The following FILIP1 variants were observed in gnomAD, a reference collection of about 807,000 sequenced individuals.
FILIP1 encodes filamin-A-interacting protein 1.
Under a neutral mutation model 102.1 loss-of-function variants are expected in FILIP1, and 61 were observed. That is an observed-to-expected ratio of 0.60 (90% confidence interval 0.49 to 0.74). FILIP1 has a LOEUF of 0.74. Ranked by LOEUF, FILIP1 falls within the 30% of genes least tolerant of loss-of-function variation. FILIP1 has a pLI of 0.00. For synonymous variants in FILIP1, 491 were observed against 526.9 expected, an observed-to-expected ratio of 0.93 and a Z score of 0.93; for missense variants, 1,314 against 1,441.2, an observed-to-expected ratio of 0.91 and a Z score of 1.43.
In FILIP1 at chr6:75,390,086, C is replaced by A. The variant is rs112700485; in HGVS notation, c.276+24611G>T. 4.6e-5 allele frequency among the ~76,000 whole-genome samples: 7 copies of A among 152,308 alleles called. No homozygotes were observed. In the East Asian group the frequency reaches 1.3e-3, roughly 29 times the overall value. ...TTTAATTAGTCTGGGATATGGTCTA[C>A]GCATCTGCGGTCAAGTTTGAGAACT... On this transcript the variant is annotated intron_variant, in intron 2 of 5. Coordinates refer to ENST00000237172, the MANE Select transcript of FILIP1 (RefSeq NM_015687.5).
chr6:75,309,136 T>TA (rs3842096), intron 5 of FILIP1, among the ~76,000 whole-genome samples: 99,426 of 151,872 alleles, frequency 0.65, 32,775 homozygotes, highest in Middle Eastern at 0.75. Flanking sequence ...AGCACTAACT[T>TA]ACCTCCTCTG....
At chr6:75,303,500 A>G (rs1412261921), downstream of FILIP1, among the ~76,000 whole-genome samples, 2 of 152,188 alleles carry the variant, frequency 1.3e-5, no homozygotes, top group African/African-American at 4.8e-5. Context: ...GAGGGAAAAG[A>G]GCACAGCCTA....
At chr6:75,300,174 C>T (rs1772797852) in intron 6 of FILIP1, among the ~76,000 whole-genome samples, 1 of 152,092 alleles carries the variant, frequency 6.6e-6, no homozygotes, top group South Asian at 2.1e-4. Context: ...ACTTTAATAG[C>T]TAGCCTCTAA....
intron 2 of FILIP1, among the ~76,000 whole-genome samples, chr6:75,387,496 C>T (rs930086075): frequency 5.9e-5 from 9 of 152,148 alleles, no homozygotes; most frequent in African/African-American, 2.2e-4. Context: ...AACTAATTTA[C>T]ACTCCCACCA....
rs368906515 is a variant in FILIP1, at chr6:75,383,027, T to A, written c.277-20110A>T. Among the ~76,000 whole-genome samples, 31 of 152,334 alleles carry A rather than the reference T, an allele frequency of 2.0e-4. No individual in the cohort carries two copies. In the South Asian group the frequency reaches 5.8e-3, roughly 29 times the overall value. On this transcript the variant is annotated intron_variant, in intron 2 of 5. Transcript: ENST00000237172. ...TATAGATCTAAAACAAATTAGCCAG[T>A]TGCCCAAAAGACTTGTTACTCTCCA...
At chr6:75,365,758 T>C (rs1441043669) in intron 2 of FILIP1, among the ~76,000 whole-genome samples, 1 of 152,162 alleles carries the variant, frequency 6.6e-6, no homozygotes, top group African/African-American at 2.4e-5. Flanking sequence ...ACAGTAAATA[T>C]GTAACTAGTT....
intron 4 of FILIP1, among the ~76,000 whole-genome samples, chr6:75,322,708 T>C (rs903665002): frequency 6.6e-6 from 1 of 152,252 alleles, no homozygotes; most frequent in Non-Finnish European, 1.5e-5. Flanking sequence ...TTATACTTTT[T>C]TTTGAGACAG....
At chr6:75,337,650 A>G (rs137892985) in intron 4 of FILIP1, among the ~76,000 whole-genome samples, 1 of 152,234 alleles carries the variant, frequency 6.6e-6, no homozygotes, top group East Asian at 1.9e-4. Flanking sequence ...GAAGCACTGC[A>G]CTTGCCTTCC....
intron 1 of FILIP1, among the ~76,000 whole-genome samples, chr6:75,490,853 C>T (rs1288496447): frequency 1.3e-5 from 2 of 152,082 alleles, no homozygotes; most frequent in Non-Finnish European, 2.9e-5. Flanking sequence ...AAACTATTAA[C>T]TTACAGTTGC....
intron 1 of FILIP1, among the ~76,000 whole-genome samples, chr6:75,458,487 G>A (rs777135719): frequency 3.3e-5 from 5 of 152,150 alleles, no homozygotes; most frequent in African/African-American, 1.2e-4. Context: ...GGAGGCAAAC[G>A]TAGAAAACTG....
intron 1 of FILIP1, among the ~76,000 whole-genome samples, chr6:75,476,332 G>A (rs1343291909): frequency 6.6e-6 from 1 of 151,284 alleles, no homozygotes; most frequent in Non-Finnish European, 1.5e-5. Context: ...TTCCTAATTT[G>A]TCATTCAGTT....
intron 1 of FILIP1, among the ~76,000 whole-genome samples, chr6:75,475,587 C>A (rs1363285950): frequency 6.6e-6 from 1 of 152,090 alleles, no homozygotes; most frequent in Non-Finnish European, 1.5e-5. Flanking sequence ...CTGATAATAT[C>A]TTTGTGGGTA....
At chr6:75,459,842 C>A (rs1416828032) in intron 1 of FILIP1, among the ~76,000 whole-genome samples, 1 of 152,164 alleles carries the variant, frequency 6.6e-6, no homozygotes, top group Non-Finnish European at 1.5e-5. Context: ...TTTTCAGAAT[C>A]TTGAAGTCAT....
intron 1 of FILIP1, among the ~76,000 whole-genome samples, chr6:75,480,556 G>C (rs999083601): frequency 1.3e-5 from 2 of 152,096 alleles, no homozygotes; most frequent in African/African-American, 4.8e-5. Flanking sequence ...TCCAACATGT[G>C]CTCCAAAAAT....
intron 3 of FILIP1, 61 bp downstream of exon 3, chr6:75,362,683 G>C (rs773667195): frequency 1.2e-4 from 180 of 1,519,222 alleles, no homozygotes; most frequent in Admixed American, 2.2e-4. Flanking sequence ...GTAAATGGAA[G>C]AATGTGAAGA....
chr6:75,319,415 C>G, intron 4 of FILIP1: 3 of 621,256 alleles, frequency 4.8e-6, no homozygotes, highest in South Asian at 2.8e-5. Context: ...TTTTTGTCTC[C>G]CCTTTAGGAG....
chr6:75,441,569 G>T (rs1405481750), intron 1 of FILIP1, among the ~76,000 whole-genome samples: 2 of 151,600 alleles, frequency 1.3e-5, no homozygotes, highest in Non-Finnish European at 2.9e-5. Flanking sequence ...GGGCAGAGGC[G>T]CCCCTCTCCT....
At chr6:75,296,475 T>TTTATTATTATTATTATTA (rs71002730) in intron 6 of FILIP1, 5 of 140,392 alleles carry the variant, frequency 3.6e-5, no homozygotes, top group East Asian at 2.1e-4. Context: ...ACTCTATATG[T>TTTATTATTATTATTATTA]TTATTATTAT....
chr6:75,345,405 A>G (rs1774543748), intron 4 of FILIP1, among the ~76,000 whole-genome samples: 1 of 151,758 alleles, frequency 6.6e-6, no homozygotes. Flanking sequence ...AGCTGCAGAC[A>G]TAAACAAGCA....
Sources: gnomAD v4.1 joint callset for allele counts (sites outside exome capture counted in the v4.1 genomes callset) on GRCh38, gnomAD v4.1.1 for gene constraint, MANE v1.5 for transcripts, NCBI Gene and HGNC (gene_info 2026-07-23, HGNC 2026-07-21) for gene names.